The following DOCK1 variants were observed in gnomAD, a reference collection of about 807,000 sequenced individuals.
The protein encoded by DOCK1 is dedicator of cytokinesis protein 1.
In DOCK1, 138 loss-of-function variants were observed where a neutral mutation model predicts 262.7. The ratio of observed to expected loss-of-function variants is 0.53; its 90% CI spans 0.46 to 0.61. The LOEUF is 0.61. Ranked by LOEUF, DOCK1 falls within the 20% of genes least tolerant of loss-of-function variation. The pLI is 0.00. For missense variants in DOCK1, 1,908 were observed against 2,370.7 expected (o/e 0.80, Z 4.05); for synonymous variants, 866 against 867.4 (o/e 1.00, Z 0.03).
intron 29 of DOCK1, among the ~76,000 whole-genome samples, chr10:127,308,944 A>G (rs992011624): frequency 1.1e-4 from 16 of 152,158 alleles, no homozygotes; most frequent in Non-Finnish European, 1.8e-4. Context: ...TCCTTTAGGT[A>G]TATACCCAGT....
At chr10:127,158,972 A>G (rs969169873) in intron 27 of DOCK1, among the ~76,000 whole-genome samples, 22 of 152,110 alleles carry the variant, frequency 1.4e-4, no homozygotes, top group African/African-American at 4.8e-4. Flanking sequence ...CCAGGGACCA[A>G]TTTGGGGACC....
intron 23 of DOCK1, among the ~76,000 whole-genome samples, chr10:127,074,359 C>G (rs1023270091): frequency 7.9e-5 from 12 of 152,136 alleles, no homozygotes; most frequent in Non-Finnish European, 1.3e-4. Flanking sequence ...GTTCTCTGTT[C>G]TTCAGCCCAG....
chr10:127,067,922 G>A (rs1013161303), intron 23 of DOCK1, among the ~76,000 whole-genome samples: 1 of 151,902 alleles, frequency 6.6e-6, no homozygotes, highest in African/African-American at 2.4e-5. Context: ...TGAATTTGAG[G>A]CCCCCCAAGC....
chr10:127,305,090 A>G (rs1474020098), intron 29 of DOCK1, among the ~76,000 whole-genome samples: 1 of 152,078 alleles, frequency 6.6e-6, no homozygotes, highest in African/African-American at 2.4e-5. Context: ...CAGGTTTTCC[A>G]GTTGTCTCAC....
At chr10:127,345,838 G>A (rs1230364172) in intron 31 of DOCK1, among the ~76,000 whole-genome samples, 1 of 152,218 alleles carries the variant, frequency 6.6e-6, no homozygotes, top group Non-Finnish European at 1.5e-5. Flanking sequence ...TCAGGGCCCA[G>A]GGGAAGGGAG....
chr10:127,362,877 A>ACACATCCCCACACACACACATACACATG (rs2064597482), intron 33 of DOCK1, among the ~76,000 whole-genome samples: 1 of 54,670 alleles, frequency 1.8e-5, no homozygotes, highest in African/African-American at 1.1e-4. Flanking sequence ...ACACACACAT[A>ACACATCCCCACACACACACATACACATG]CACATCCCCA....
At chr10:127,122,848 A>G (rs915930242) in intron 25 of DOCK1, among the ~76,000 whole-genome samples, 7 of 152,162 alleles carry the variant, frequency 4.6e-5, no homozygotes, top group African/African-American at 1.4e-4. Context: ...CCAAAGATGA[A>G]CAGACAGACA....
intron 27 of DOCK1, among the ~76,000 whole-genome samples, chr10:127,193,102 A>G (rs1256831477): frequency 2.6e-5 from 4 of 152,194 alleles, no homozygotes. Flanking sequence ...AAATATTAAA[A>G]TCAAATATGT....
At chr10:127,010,320 A>G (rs1458473063) in intron 11 of DOCK1, among the ~76,000 whole-genome samples, 1 of 152,172 alleles carries the variant, frequency 6.6e-6, no homozygotes, top group Non-Finnish European at 1.5e-5. Flanking sequence ...TACAAAAATT[A>G]GCCGGGTGTG....
chr10:127,031,852 C>G, intron 17 of DOCK1, 99 bp downstream of exon 17: 1 of 1,077,892 alleles, frequency 9.3e-7, no homozygotes, highest in Non-Finnish European at 1.4e-6. Flanking sequence ...TGTGAGGAAG[C>G]TGCTATCTAG....
At chr10:127,024,603 C>T (rs1396009825) in intron 14 of DOCK1, 82 bp from the exon 15 acceptor site, 5 of 1,152,324 alleles carry the variant, frequency 4.3e-6, no homozygotes, top group African/African-American at 3.1e-5. Context: ...GCGTACCTGT[C>T]CCCCCACATA....
chr10:127,344,913 A>G (rs2063566812), intron 31 of DOCK1, among the ~76,000 whole-genome samples: 1 of 152,240 alleles, frequency 6.6e-6, no homozygotes, highest in Non-Finnish European at 1.5e-5. Flanking sequence ...CACGTACTGC[A>G]TAACCACAGA....
intron 51 of DOCK1, among the ~76,000 whole-genome samples, chr10:127,448,564 C>T (rs771165380): frequency 2.6e-5 from 4 of 152,172 alleles, no homozygotes; most frequent in Non-Finnish European, 5.9e-5. Flanking sequence ...GACTCAGCCA[C>T]GGCGGGAACT....
chr10:127,300,320 T>C (rs1007587742), intron 29 of DOCK1, among the ~76,000 whole-genome samples: 4 of 152,202 alleles, frequency 2.6e-5, no homozygotes, highest in African/African-American at 9.6e-5. Flanking sequence ...TCCTCTCTTG[T>C]GCTTTCTGGA....
intron 19 of DOCK1, among the ~76,000 whole-genome samples, chr10:127,039,017 A>G (rs1375500526): frequency 2.0e-5 from 3 of 152,106 alleles, no homozygotes; most frequent in Admixed American, 2.0e-4. Flanking sequence ...ACTCTCTAGG[A>G]GAGGTGATTG....
chr10:127,108,773 T>C (rs973207093), intron 24 of DOCK1, among the ~76,000 whole-genome samples: 5 of 152,226 alleles, frequency 3.3e-5, no homozygotes, highest in Non-Finnish European at 5.9e-5. Flanking sequence ...GCTTTCACCA[T>C]GTAAAATAGG....
intron 23 of DOCK1, among the ~76,000 whole-genome samples, chr10:127,090,656 G>A (rs2136092444): frequency 6.6e-6 from 1 of 152,236 alleles, no homozygotes; most frequent in South Asian, 2.1e-4. Context: ...CAGTCACTCT[G>A]TTTCCCCCTT....
intron 18 of DOCK1, among the ~76,000 whole-genome samples, chr10:127,036,707 C>T (rs1370747282): frequency 2.0e-5 from 3 of 152,074 alleles, no homozygotes; most frequent in African/African-American, 7.2e-5. Context: ...GGCATGGTGG[C>T]TCACACTTGT....
chr10:127,451,798 G>A lies in DOCK1; in HGVS notation c.*371G>A, dbSNP rs1424200519. ...GAGCTCAGCCAAGTAGGAGAGGCTA[G>A]GCCATCACTCTTAGGAAGCTGTGTA... On this transcript the variant is annotated 3_prime_UTR_variant, in exon 52 of 52. Coordinates refer to ENST00000623213, the MANE Select transcript of DOCK1 (RefSeq NM_001290223.2). 1 of 296,252 alleles carries A rather than the reference G, an allele frequency of 3.4e-6. No individual in the cohort carries two copies. The highest frequency in any genetic ancestry group is 2.2e-5 in the African/African-American group (1 of 45,876). 18.4% of individuals were successfully genotyped at this position (296,252 alleles called of 1,614,324 possible).
Sources: gnomAD v4.1 joint callset for allele counts (sites outside exome capture counted in the v4.1 genomes callset) on GRCh38, gnomAD v4.1.1 for gene constraint, MANE v1.5 for transcripts, NCBI Gene and HGNC (gene_info 2026-07-23, HGNC 2026-07-21) for gene names.